Variants in RAPGEF2 observed in about 807,000 individuals in gnomAD.
RAPGEF2 encodes Rap guanine nucleotide exchange factor 2, also known as PDZ domain containing guanine nucleotide exchange factor (GEF) 1.
RAPGEF2 carries 54 observed loss-of-function variants against 186.7 expected under a neutral mutation model. The observed-to-expected ratio is 0.29, with a 90% CI of 0.23 to 0.36. The LOEUF (loss-of-function observed/expected upper bound fraction) is 0.36, where lower values mean the gene tolerates loss of function less well. Ranked by LOEUF, RAPGEF2 falls within the 10% of genes least tolerant of loss-of-function variation. The pLI is 1.00. For missense variants in RAPGEF2, 1,532 were observed against 2,045.0 expected, an observed-to-expected ratio of 0.75 and a Z score of 4.84; for synonymous variants, 712 against 705.9, an observed-to-expected ratio of 1.01 and a Z score of -0.14.
At chr4:159,329,644 A>G (rs757754817) in intron 11 of RAPGEF2, 24 of 333,554 alleles carry the variant, frequency 7.2e-5, no homozygotes, top group African/African-American at 4.0e-4. Flanking sequence ...TAAAATACAT[A>G]TAAGTATTCT....
rs16999163 is a variant in RAPGEF2 at position 159,335,357 on chromosome 4, A to G, written c.2135+2660A>G. The stretch of plus-strand genomic sequence containing the variant: ...CAGATCGAAAGACAATTTCAGTAAC[A>G]AGGAAAGTGTTGGAGAGGTAGAATC... On this transcript the variant is annotated intron_variant, in intron 17 of 29. Transcript: ENST00000691494. Among the ~76,000 whole-genome samples, 924 of 152,316 alleles carry G rather than the reference A, an allele frequency of 6.1e-3. 12 individuals are homozygous for G. Among genetic ancestry groups the G allele is most frequent in the African/African-American group, 0.021 (868 of 41,552 alleles).
chr4:159,357,967 G>GA (rs1177355068), intron 29 of RAPGEF2, 147 bp from the exon 30 acceptor site: 1 of 733,568 alleles, frequency 1.4e-6, no homozygotes, highest in Non-Finnish European at 2.1e-6. Context: ...CATTGTTTAG[G>GA]AAAAAAAGAC....
intron 17 of RAPGEF2, among the ~76,000 whole-genome samples, chr4:159,333,368 G>T (rs572879970): frequency 1.3e-5 from 2 of 152,050 alleles, no homozygotes; most frequent in Non-Finnish European, 2.9e-5. Context: ...TTGTTTCTGG[G>T]TATCTTCTTT....
chr4:159,294,893 G>A (rs772934771), intron 7 of RAPGEF2, among the ~76,000 whole-genome samples: 11 of 152,144 alleles, frequency 7.2e-5, no homozygotes, highest in Non-Finnish European at 1.0e-4. Flanking sequence ...GGGTTTCACC[G>A]TGTTCGTCAG....
At chr4:159,186,991 T>C (rs1372778227) in intron 2 of RAPGEF2, among the ~76,000 whole-genome samples, 1 of 152,120 alleles carries the variant, frequency 6.6e-6, no homozygotes, top group African/African-American at 2.4e-5. Context: ...TTGTTGTTAA[T>C]GATATTACCC....
intron 1 of RAPGEF2, among the ~76,000 whole-genome samples, chr4:159,186,161 A>G (rs1017896165): frequency 2.0e-5 from 3 of 151,914 alleles, no homozygotes; most frequent in Non-Finnish European, 4.4e-5. Context: ...AAGTATTTCT[A>G]TATAAGAAAA....
chr4:159,268,642 T>C (rs1757726819), intron 7 of RAPGEF2, among the ~76,000 whole-genome samples: 1 of 152,140 alleles, frequency 6.6e-6, no homozygotes, highest in South Asian at 2.1e-4. Flanking sequence ...AGAGCTTTGG[T>C]TATTGATTTG....
intron 1 of RAPGEF2, among the ~76,000 whole-genome samples, chr4:159,131,545 T>TTTTTTG (rs1741107237): frequency 1.3e-5 from 2 of 149,898 alleles, no homozygotes; most frequent in African/African-American, 2.5e-5. Flanking sequence ...TTTTTTTTTT[T>TTTTTTG]TAGCTTTTGC....
At chr4:159,229,573 T>C (rs1386645708) in intron 4 of RAPGEF2, 2 of 152,212 alleles carry the variant, frequency 1.3e-5, no homozygotes, top group African/African-American at 4.8e-5. Flanking sequence ...TGTGGGAGTC[T>C]TGAAGGAAAG....
intron 25 of RAPGEF2, among the ~76,000 whole-genome samples, chr4:159,348,117 A>C (rs1471765497): frequency 6.6e-6 from 1 of 151,958 alleles, no homozygotes; most frequent in Non-Finnish European, 1.5e-5. Context: ...GCTACCTGGG[A>C]AGCTGAGGCA....
intron 11 of RAPGEF2, among the ~76,000 whole-genome samples, chr4:159,325,364 T>G (rs1432124388): frequency 1.3e-5 from 2 of 152,156 alleles, no homozygotes; most frequent in African/African-American, 4.8e-5. Flanking sequence ...TGGTAAATAT[T>G]GAAGTCTTTA....
chr4:159,146,515 A>C (rs917079945), intron 1 of RAPGEF2, among the ~76,000 whole-genome samples: 1 of 152,174 alleles, frequency 6.6e-6, no homozygotes, highest in Non-Finnish European at 1.5e-5. Context: ...TTGTAATTAC[A>C]TTTATTAATT....
At chr4:159,246,900 A>G (rs1754695640) in intron 7 of RAPGEF2, among the ~76,000 whole-genome samples, 1 of 151,932 alleles carries the variant, frequency 6.6e-6, no homozygotes, top group Admixed American at 6.6e-5. Flanking sequence ...AGGACTTCAA[A>G]TTTTACCTTC....
Position 159,130,112 on chromosome 4 carries a change from T to G in RAPGEF2, c.69+25881T>G, listed in dbSNP as rs1364255370. Among the ~76,000 whole-genome samples the G allele has an allele frequency of 2.0e-5, 3 of 152,214 alleles. No individual in the cohort carries two copies. The East Asian group carries it at 5.8e-4, about 29-fold the overall frequency. On this transcript the variant is annotated intron_variant, in intron 1 of 29. Transcript: ENST00000691494. ...TCATGGCGCTAGTGGGAGTGTCTTT[T>G]AGCAATCTAATGCATTATAATTAAT...
At chr4:159,207,549 A>C (rs1399213687) in intron 3 of RAPGEF2, among the ~76,000 whole-genome samples, 2 of 152,192 alleles carry the variant, frequency 1.3e-5, no homozygotes, top group Non-Finnish European at 2.9e-5. Context: ...TAACATGTTA[A>C]CTCTATTAGT....
rs1402861519 is a variant in RAPGEF2, at chr4:159,359,067, C to T, written c.*928C>T. On this transcript the variant is annotated 3_prime_UTR_variant, in exon 30 of 30. Transcript: ENST00000691494. The stretch of plus-strand genomic sequence containing the variant: ...GTGTCATTGGCGGATGTGTCCTGCT[C>T]CATTGAGATGGATGGCAAACCCCAT... 1 of 152,110 alleles carries T rather than the reference C, an allele frequency of 6.6e-6. No individual in the cohort carries two copies. Among genetic ancestry groups the T allele is most frequent in the Non-Finnish European group, 1.5e-5 (1 of 68,026 alleles). The allele number at this position is 152,110 out of a possible 1,614,324, so 9.4% of individuals were successfully genotyped here.
At chr4:159,169,663 G>C (rs1452258273) in intron 1 of RAPGEF2, among the ~76,000 whole-genome samples, 4 of 150,106 alleles carry the variant, frequency 2.7e-5, no homozygotes, top group East Asian at 4.0e-4. Context: ...TCTACATATA[G>C]ATGAAATCAC....
Position 159,345,174 on chromosome 4 carries a change from G to A in RAPGEF2, c.3347G>A (p.Arg1116Gln). ...GCTCAGACAGGTGGTCATAAAAAGC[G>A]GGTACGTCGTAGTTCCTTTCTCAAT... ...DVAQTGGHKK[R>Q]VRRSSFLNAK... is the part of the protein sequence containing the mutation. Residue 1116 changes from arginine to glutamine, a missense_variant, in exon 24 of 30, where the codon CGG becomes CAG. Arg to Gln is a conservative substitution (Grantham distance 43). Around this residue, in one of 4 missense-constraint regions of RAPGEF2, gnomAD observed 117 missense variants for 180.8 expected, o/e 0.65. Transcript: ENST00000691494. 6.2e-7 allele frequency: 1 copy of A among 1,614,154 alleles called. No individual in the cohort carries two copies. Among genetic ancestry groups the A allele is most frequent in the Non-Finnish European group, 8.5e-7 (1 of 1,179,994 alleles).
In RAPGEF2 at chr4:159,332,659, C is replaced by G; in HGVS notation, c.2097C>G (p.Asp699Glu). 1 of 1,614,136 alleles carries G rather than the reference C, an allele frequency of 6.2e-7. No homozygotes were observed. The highest frequency in any genetic ancestry group is 8.5e-7 in the Non-Finnish European group (1 of 1,179,994). ...GGRNKLKKIL[D>E]KTRISILPQK... ...GGAACAAGCTGAAAAAGATACTCGA[C>G]AAGACTCGGATCAGTATCTTGCCAC... Residue 699 changes from aspartate (D) to glutamate (E), a missense_variant, in exon 17 of 30, where the codon GAC becomes GAG. Around this residue, in one of 4 missense-constraint regions of RAPGEF2, gnomAD observed 810 missense variants for 1,210.5 expected, o/e 0.67. Coordinates refer to ENST00000691494, the MANE Select transcript of RAPGEF2 (RefSeq NM_001394067.2).
Sources: gnomAD v4.1 joint callset for allele counts (sites outside exome capture counted in the v4.1 genomes callset) on GRCh38, gnomAD v4.1.1 for gene constraint, gnomAD v4.1.1 regional missense constraint, MANE v1.5 for transcripts, NCBI Gene and HGNC (gene_info 2026-07-23, HGNC 2026-07-21) for gene names.